BPIFB1: variants seen among roughly 807,000 people sequenced by gnomAD.
BPIFB1 encodes the protein BPI fold containing family B member 1.
Under a neutral mutation model 55.1 loss-of-function variants are expected in BPIFB1, and 34 were observed. That is an observed-to-expected ratio of 0.62 (90% CI 0.47 to 0.82). BPIFB1 has a LOEUF of 0.82. Among genes scored for constraint, BPIFB1 ranks in the 40% least tolerant of loss-of-function variants. The probability of loss-of-function intolerance (pLI) is 0.00; values close to 1 mark genes in which losing one functional copy is unlikely to be tolerated. For synonymous variants in BPIFB1, 236 were observed against 245.3 expected (o/e 0.96, Z 0.35); for missense variants, 532 against 593.1 (o/e 0.90, Z 1.07).
chr20:33,289,849 G>A, intron 3 of BPIFB1, 36 bp from the exon 4 acceptor site: 1 of 1,569,090 alleles, frequency 6.4e-7, no homozygotes. Flanking sequence ...TAATGAGCCG[G>A]AGGCATGATT....
At chr20:33,287,352 G>C (rs572524019) in intron 2 of BPIFB1, among the ~76,000 whole-genome samples, 16 of 152,222 alleles carry the variant, frequency 1.1e-4, no homozygotes, top group Non-Finnish European at 1.8e-4. Context: ...GGCGACTGAA[G>C]CTCAGTCCTG....
At chr20:33,284,436 C>T (rs1029633028) in intron 1 of BPIFB1, among the ~76,000 whole-genome samples, 1 of 152,116 alleles carries the variant, frequency 6.6e-6, no homozygotes, top group Non-Finnish European at 1.5e-5. Context: ...TGGTCTATGC[C>T]AACCACTATA....
chr20:33,286,302 A>G, intron 2 of BPIFB1, 114 bp downstream of exon 2: 1 of 896,902 alleles, frequency 1.1e-6, no homozygotes. Context: ...CTGAGATCCC[A>G]GAACGTGGGT....
At position 33,291,102 on chromosome 20, in the gene BPIFB1, C is replaced by G; in HGVS notation, c.511C>G (p.His171Asp). ...TGGGAGCCTGCGCATCCAACTGCTG[C>G]ATAAGTGAGTGTCGCTGGCCACCAG... ...SHGSLRIQLL[H>D]KLSFLVNALA... Residue 171 changes from histidine (H) to aspartate (D), a missense_variant, in exon 5 of 16, where the codon CAT becomes GAT. His to Asp is a moderately conservative substitution (Grantham distance 81). Transcript: ENST00000253354. The G allele has an allele frequency of 6.2e-7, 1 of 1,610,780 alleles. No individual in the cohort carries two copies. Among genetic ancestry groups the G allele is most frequent in the Non-Finnish European group, 8.5e-7 (1 of 1,179,978 alleles).
At chr20:33,295,870 G>GAA (rs1980634145) in intron 6 of BPIFB1, among the ~76,000 whole-genome samples, 1 of 138,928 alleles carries the variant, frequency 7.2e-6, no homozygotes, top group African/African-American at 2.7e-5. Flanking sequence ...AGGAAGGAAG[G>GAA]GGATTGGGAA....
At chr20:33,291,194 C>A in intron 5 of BPIFB1, 88 bp downstream of exon 5, 1 of 1,494,366 alleles carries the variant, frequency 6.7e-7, no homozygotes, top group Non-Finnish European at 9.1e-7. Context: ...AAATGGAGAA[C>A]GCTGAGGCCT....
intron 4 of BPIFB1, 108 bp downstream of exon 4, chr20:33,290,100 G>GA: frequency 1.2e-6 from 1 of 850,758 alleles, no homozygotes; most frequent in Non-Finnish European, 1.9e-6. Context: ...TCCGAGCAGA[G>GA]AGAAGAGCAA....
At chr20:33,289,796 C>A in intron 3 of BPIFB1, 89 bp from the exon 4 acceptor site, 1 of 1,276,504 alleles carries the variant, frequency 7.8e-7, no homozygotes. Context: ...TGCCTAGGCA[C>A]CCCAGGGAGA....
intron 13 of BPIFB1, among the ~76,000 whole-genome samples, 181 bp downstream of exon 13, chr20:33,305,072 C>T (rs1980979817): frequency 6.6e-6 from 1 of 152,182 alleles, no homozygotes; most frequent in Admixed American, 6.5e-5. Flanking sequence ...CACCACGTGT[C>T]AGACACAGCT....
chr20:33,304,005 A>G lies in BPIFB1; in HGVS notation c.1188A>G (p.Ile396Met), dbSNP rs1237146058. The G allele has an allele frequency of 6.2e-7, 1 of 1,613,276 alleles. No homozygotes were observed. Among genetic ancestry groups the G allele is most frequent in the Non-Finnish European group, 8.5e-7 (1 of 1,179,794 alleles). Residue 396 changes from isoleucine (I) to methionine (M), a missense_variant, in exon 12 of 16, where the codon ATA (isoleucine) becomes ATG (methionine). By Grantham distance (10) the Ile-to-Met change is conservative (BLOSUM62 1). Coordinates refer to ENST00000253354, the MANE Select transcript of BPIFB1 (RefSeq NM_033197.3). ...TTTACACCAAAGGTGACCAACTTAT[A>G]CTCAACTTGAATAACATCAGGTAAA... ...AQFYTKGDQL[I>M]LNLNNISSDR...
intron 4 of BPIFB1, 45 bp from the exon 5 acceptor site, chr20:33,290,912 C>G (rs552623271): frequency 3.1e-6 from 5 of 1,599,284 alleles, no homozygotes; most frequent in Non-Finnish European, 3.4e-6. Flanking sequence ...TGCTCCAGCC[C>G]GAGCTTGCCT....
chr20:33,288,907 G>C (rs537632311), intron 3 of BPIFB1, 25 bp downstream of exon 3: 1 of 1,600,040 alleles, frequency 6.2e-7, no homozygotes. Flanking sequence ...ACCACACCAG[G>C]AGCTAGCCCC....
chr20:33,297,326 C>T (rs1201380417), intron 6 of BPIFB1, among the ~76,000 whole-genome samples, 199 bp from the exon 7 acceptor site: 2 of 152,222 alleles, frequency 1.3e-5, no homozygotes, highest in African/African-American at 2.4e-5. Flanking sequence ...GGGAAAGGGA[C>T]AAACCACTGC....
intron 12 of BPIFB1, 34 bp downstream of exon 12, chr20:33,304,059 A>T (rs764419015): frequency 5.0e-6 from 8 of 1,587,274 alleles, no homozygotes; most frequent in African/African-American, 2.7e-5. Flanking sequence ...GATTCTGCTG[A>T]TGGAAATGAG....
rs138206777 is a variant in BPIFB1, at chr20:33,302,238, G to A, written c.928-121G>A. 6.1e-4 allele frequency: 586 copies of A among 962,882 alleles called. 6 individuals carry two copies. In the African/African-American group the frequency reaches 8.5e-3, roughly 14 times the overall value. The allele number at this position is 962,882 out of a possible 1,614,324, so 59.6% of individuals were successfully genotyped here. On this transcript the variant is annotated intron_variant, in intron 9 of 15. Coordinates refer to ENST00000253354, the MANE Select transcript of BPIFB1 (RefSeq NM_033197.3). ...CCACCAATGACAGACACATGGCTTG[G>A]GTCACTGGGCCCACCCAGCTTTTCT...
Position 33,297,549 on chromosome 20 carries a change from T to G in BPIFB1, c.622T>G (p.Phe208Val). 6.2e-7 allele frequency: 1 copy of G among 1,614,226 alleles called. No individual in the cohort carries two copies. Among genetic ancestry groups the G allele is most frequent in the Non-Finnish European group, 8.5e-7 (1 of 1,180,028 alleles). ...NQLCPVIEAS[F>V]NGMYADLLQL... is the part of the protein sequence containing the mutation. ...GCTGTGTCCCGTGATCGAGGCTTCCTTCAATGGCATGTATGCAGACCTCCT... is the reference window on the plus strand; with the variant it reads ...GCTGTGTCCCGTGATCGAGGCTTCCGTCAATGGCATGTATGCAGACCTCCT... Residue 208 changes from phenylalanine to valine, a missense_variant, in exon 7 of 16, where the codon TTC becomes GTC. Transcript: ENST00000253354.
At chr20:33,290,460 G>A (rs1477189471) in intron 4 of BPIFB1, among the ~76,000 whole-genome samples, 1 of 152,190 alleles carries the variant, frequency 6.6e-6, no homozygotes, top group African/African-American at 2.4e-5. Flanking sequence ...TTTGGGGCAG[G>A]GAGGTGCTGA....
chr20:33,302,775 G>T, intron 10 of BPIFB1, 141 bp from the exon 11 acceptor site: 2 of 908,500 alleles, frequency 2.2e-6, no homozygotes, highest in Non-Finnish European at 3.3e-6. Context: ...AACATTCAAG[G>T]ATCTGCAAGA....
Position 33,298,976 on chromosome 20 carries a change from C to CTTTT in BPIFB1, c.662-911_662-908dup, listed in dbSNP as rs35028429. 629 of 244,886 alleles carry CTTTT rather than the reference C, an allele frequency of 2.6e-3. 11 individuals carry two copies. The highest frequency in any genetic ancestry group is 0.017 in the African/African-American group (600 of 34,900). 15.2% of individuals were successfully genotyped at this position (244,886 alleles called of 1,614,324 possible). ...CGGGGACCTTATTGACTTTAATATACTTTTTTTTTTTTTTTGGAGACGGAC... is the reference window on the plus strand; with the variant it reads ...CGGGGACCTTATTGACTTTAATATACTTTTTTTTTTTTTTTTTTTGGAGACGGAC... On this transcript the variant is annotated intron_variant, in intron 7 of 15. Coordinates refer to ENST00000253354, the MANE Select transcript of BPIFB1 (RefSeq NM_033197.3).
Sources: allele counts gnomAD v4.1 joint callset (sites outside exome capture counted in the v4.1 genomes callset), GRCh38; gene constraint gnomAD v4.1.1; transcripts MANE v1.5; gene names NCBI Gene and HGNC (gene_info 2026-07-23, HGNC 2026-07-21).